The following WNT5A variants were observed in gnomAD, a reference collection of about 807,000 sequenced individuals.
The protein encoded by WNT5A is protein Wnt-5a.
Under a neutral mutation model 42.1 loss-of-function variants are expected in WNT5A, and 9 were observed. The observed-to-expected ratio is 0.21, with a 90% CI of 0.13 to 0.37. WNT5A has a LOEUF of 0.37. Among genes scored for constraint, WNT5A ranks in the 10% least tolerant of loss-of-function variants. The pLI, the probability that WNT5A is intolerant of heterozygous loss-of-function variation, is 1.00. For missense variants in WNT5A, 426 were observed against 534.0 expected, an observed-to-expected ratio of 0.80 and a Z score of 1.99; for synonymous variants, 210 against 210.0, an observed-to-expected ratio of 1.00 and a Z score of 0.00.
upstream of WNT5A, among the ~76,000 whole-genome samples, chr3:55,490,858 T>G (rs965028342): frequency 1.3e-5 from 2 of 152,184 alleles, no homozygotes; most frequent in Non-Finnish European, 2.9e-5. Context: ...TGCTTGCAAA[T>G]TAATAGCAAT....
At chr3:55,486,172 G>A (rs922140476) in intron 1 of WNT5A, among the ~76,000 whole-genome samples, 1 of 152,050 alleles carries the variant, frequency 6.6e-6, no homozygotes, top group African/African-American at 2.4e-5. Flanking sequence ...CCAAAGCGGA[G>A]GCCCAAGTGT....
At chr3:55,476,759 C>A in intron 3 of WNT5A, among the ~76,000 whole-genome samples, 1 of 152,186 alleles carries the variant, frequency 6.6e-6, no homozygotes, top group East Asian at 1.9e-4. Flanking sequence ...ATACAGTCAT[C>A]CTGGTTGGAA....
chr3:55,500,400 C>A, the WNT5A span, among the ~76,000 whole-genome samples: 2 of 152,190 alleles, frequency 1.3e-5, no homozygotes, highest in Admixed American at 1.3e-4. Context: ...TAAGCACAAG[C>A]TCTGATGAGT....
chr3:55,487,331 A>G (rs922059361), upstream of WNT5A: 5 of 360,396 alleles, frequency 1.4e-5, no homozygotes, highest in African/African-American at 2.1e-5. Context: ...TCCGTTTCCA[A>G]CGTCCATCAG....
intron 4 of WNT5A, among the ~76,000 whole-genome samples, chr3:55,471,530 G>T (rs2051252166): frequency 6.6e-6 from 1 of 152,250 alleles, no homozygotes; most frequent in Non-Finnish European, 1.5e-5. Flanking sequence ...AAAATTAGGG[G>T]AGATGTGGAA....
upstream of WNT5A, among the ~76,000 whole-genome samples, chr3:55,491,182 G>C (rs1333731920): frequency 6.6e-6 from 1 of 152,188 alleles, no homozygotes; most frequent in Non-Finnish European, 1.5e-5. Flanking sequence ...TTCAATAGTG[G>C]GTAGGGGTGG....
the WNT5A span, chr3:55,501,891 T>C: frequency 2.6e-5 from 4 of 152,254 alleles, no homozygotes; most frequent in African/African-American, 9.6e-5. Flanking sequence ...ACCTGAGTCT[T>C]TGGTGATTTA....
At chr3:55,494,535 C>T (rs2051694402), upstream of WNT5A, among the ~76,000 whole-genome samples, 2 of 152,068 alleles carry the variant, frequency 1.3e-5, no homozygotes, top group African/African-American at 4.8e-5. Flanking sequence ...GTGGTTTTTG[C>T]CATTACTTTT....
In WNT5A at chr3:55,485,543, A is replaced by G. The variant is rs551042718; in HGVS notation, c.6+1437T>C. Among the ~76,000 whole-genome samples, 33 of 152,176 alleles carry G rather than the reference A, an allele frequency of 2.2e-4. No individual in the cohort carries two copies. The East Asian group carries it at 5.6e-3, about 26-fold the overall frequency. On this transcript the variant is annotated intron_variant, in intron 1 of 4. Coordinates refer to ENST00000264634, the MANE Select transcript of WNT5A (RefSeq NM_003392.7). ...GCCAAGGATCCACACACTCGGACAC[A>G]CACACATTTGTCGGCCCGCGGTTCG...
intron 1 of WNT5A, among the ~76,000 whole-genome samples, chr3:55,486,601 AAT>A (rs746506074): frequency 3.7e-4 from 56 of 152,348 alleles, no homozygotes; most frequent in Admixed American, 1.4e-3. Context: ...GCGCTTGGTA[AAT>A]ATTTGTTGAA....
At chr3:55,485,119 C>T (rs1360123345) in intron 1 of WNT5A, among the ~76,000 whole-genome samples, 2 of 151,942 alleles carry the variant, frequency 1.3e-5, no homozygotes, top group African/African-American at 2.4e-5. Flanking sequence ...CCTCTGGGGG[C>T]CTCCGAGGGC....
intron 4 of WNT5A, among the ~76,000 whole-genome samples, chr3:55,473,614 T>A (rs924681988): frequency 5.3e-5 from 8 of 152,212 alleles, no homozygotes; most frequent in Non-Finnish European, 8.8e-5. Flanking sequence ...AGCTACTTTG[T>A]GATTGGCCTG....
chr3:55,494,512 T>C (rs138614696), upstream of WNT5A, among the ~76,000 whole-genome samples: 2 of 152,300 alleles, frequency 1.3e-5, no homozygotes, highest in Non-Finnish European at 2.9e-5. Flanking sequence ...ATTAGGTTGG[T>C]ACAAAAGTAA....
chr3:55,474,301 C>G (rs1559553662), intron 4 of WNT5A, 36 bp downstream of exon 4: 1 of 1,610,974 alleles, frequency 6.2e-7, no homozygotes, highest in South Asian at 1.1e-5. Flanking sequence ...GGTGAGAAGA[C>G]AGAGATGCGG....
In WNT5A at chr3:55,470,066, C is replaced by T. The variant is rs768815254; in HGVS notation, c.*26G>A. On this transcript the variant is annotated 3_prime_UTR_variant, in exon 5 of 5. Transcript: ENST00000264634. ...TCTATAAATAAGCGGGTCCTGGGAG[C>T]GGGGCTGAGTGCTGGGTGGCACCCA... 6 of 1,613,280 alleles carry T rather than the reference C, an allele frequency of 3.7e-6. No individual in the cohort carries two copies. The highest frequency in any genetic ancestry group is 5.1e-6 in the Non-Finnish European group (6 of 1,179,354).
rs1251456006 is a variant in WNT5A, at chr3:55,480,765, C to T, written c.140+20G>A. The T allele has an allele frequency of 4.0e-6, 6 of 1,515,078 alleles. No homozygotes were observed. The highest frequency in any genetic ancestry group is 2.4e-5 in the East Asian group (1 of 41,104). The allele number at this position is 1,515,078 out of a possible 1,614,324, so 93.9% of individuals were successfully genotyped here. A position where few individuals can be genotyped will look rare whatever the true frequency, so the allele number is the denominator to read the frequency against. ...AAAAAGAAAAAGAAGAGGAAGAACA[C>T]GCACATAGAATGAACTTACCACCAA... On this transcript the variant is annotated intron_variant, in intron 2 of 4. Coordinates refer to ENST00000264634, the MANE Select transcript of WNT5A (RefSeq NM_003392.7).
rs573495718 is a variant in WNT5A, at chr3:55,475,659, T to C, written c.392-1030A>G. 2.0e-5 allele frequency among the ~76,000 whole-genome samples: 3 copies of C among 152,074 alleles called. No homozygotes were observed. The South Asian group carries it at 6.2e-4, about 32-fold the overall frequency. ...CTCCCCCACTGCCTTTGCCACAAAGTGTTAGAATGACAGCAAGAAGGAAAA... is the reference window on the plus strand; with the variant it reads ...CTCCCCCACTGCCTTTGCCACAAAGCGTTAGAATGACAGCAAGAAGGAAAA... On this transcript the variant is annotated intron_variant, in intron 3 of 4. Coordinates refer to ENST00000264634, the MANE Select transcript of WNT5A (RefSeq NM_003392.7).
upstream of WNT5A, among the ~76,000 whole-genome samples, chr3:55,491,285 A>G (rs1005766788): frequency 6.6e-6 from 1 of 152,182 alleles, no homozygotes; most frequent in South Asian, 2.1e-4. Flanking sequence ...AGTTGGAAGG[A>G]GAGAAACCAA....
chr3:55,498,484 G>A, the WNT5A span, among the ~76,000 whole-genome samples: 1 of 152,164 alleles, frequency 6.6e-6, no homozygotes, highest in Non-Finnish European at 1.5e-5. Flanking sequence ...TGGGAGACAC[G>A]AGGCATAGAG....
Sources: gnomAD v4.1 joint callset for allele counts (sites outside exome capture counted in the v4.1 genomes callset) on GRCh38, gnomAD v4.1.1 for gene constraint, MANE v1.5 for transcripts, NCBI Gene and HGNC (gene_info 2026-07-23, HGNC 2026-07-21) for gene names.